The following GNG4 variants were observed in gnomAD, a reference collection of about 807,000 sequenced individuals.
GNG4 encodes the protein G protein subunit gamma 4.
A neutral mutation model predicts 5.8 loss-of-function variants in GNG4; 4 were observed. That is an observed-to-expected ratio of 0.69 (90% CI 0.34 to 1.57). The LOEUF (loss-of-function observed/expected upper bound fraction) is 1.57. Ranked by LOEUF, GNG4 falls within the 40% of genes most tolerant of loss-of-function variation. The pLI is 0.06. For synonymous variants in GNG4, 29 were observed against 32.9 expected (o/e 0.88, Z 0.41); for missense variants, 96 against 95.1 (o/e 1.01, Z -0.04).
intron 1 of GNG4, among the ~76,000 whole-genome samples, chr1:235,619,192 T>TACACACACACACATATATATATATAC (rs34692157): frequency 7.7e-6 from 1 of 129,632 alleles, no homozygotes; most frequent in African/African-American, 2.9e-5. Flanking sequence ...CACATATATA[T>TACACACACACACATATATATATATAC]ACACACACAC....
Position 235,551,104 on chromosome 1 carries a change from A to C in GNG4, c.*1005T>G, listed in dbSNP as rs1686733162. ...GGGAGACCGCACCCACAGGTCTGCC[A>C]CAGCGCGTCAACGGTATGGGGTACT... On this transcript the variant is annotated 3_prime_UTR_variant, in exon 4 of 4. Coordinates refer to ENST00000391854, the MANE Select transcript of GNG4 (RefSeq NM_001098722.2). The C allele has an allele frequency of 6.6e-6, 1 of 152,382 alleles. No individual in the cohort carries two copies. The highest frequency in any genetic ancestry group is 2.4e-5 in the African/African-American group (1 of 41,464). The allele number at this position is 152,382 out of a possible 1,614,324, so 9.4% of individuals were successfully genotyped here.
At chr1:235,616,726 A>ATG (rs56726138) in intron 1 of GNG4, among the ~76,000 whole-genome samples, 27,629 of 149,788 alleles carry the variant, frequency 0.18, 4,291 homozygotes, top group East Asian at 0.6. Flanking sequence ...GTGCTGAAAG[A>ATG]TGTGTGTGTG....
chr1:235,557,131 C>A (rs917212862), intron 3 of GNG4, among the ~76,000 whole-genome samples: 1 of 152,088 alleles, frequency 6.6e-6, no homozygotes, highest in East Asian at 1.9e-4. Flanking sequence ...CATGGCCCGG[C>A]GGTTGGGGAC....
intron 3 of GNG4, among the ~76,000 whole-genome samples, chr1:235,555,930 C>T (rs951073424): frequency 5.9e-5 from 9 of 151,932 alleles, no homozygotes; most frequent in African/African-American, 1.5e-4. Context: ...TGCAGTAGGG[C>T]GATCTCAGCT....
intron 3 of GNG4, among the ~76,000 whole-genome samples, chr1:235,570,968 T>C (rs1370568569): frequency 1.4e-5 from 2 of 145,320 alleles, no homozygotes; most frequent in African/African-American, 5.1e-5. Context: ...ATACCTTTTT[T>C]TTTTTTTTTT....
intron 2 of GNG4, among the ~76,000 whole-genome samples, chr1:235,587,096 G>C (rs554917172): frequency 1.3e-5 from 2 of 151,738 alleles, no homozygotes; most frequent in African/African-American, 2.4e-5. Flanking sequence ...AGGAGGGGAG[G>C]GCTCTGCACT....
chr1:235,597,614 G>C (rs1238906167), intron 1 of GNG4, among the ~76,000 whole-genome samples: 2 of 108,928 alleles, frequency 1.8e-5, no homozygotes, highest in African/African-American at 3.4e-5. Context: ...GTGTGTGTGT[G>C]TGTGTGTGTG....
chr1:235,604,002 G>T (rs1688307063), intron 1 of GNG4, among the ~76,000 whole-genome samples: 1 of 152,186 alleles, frequency 6.6e-6, no homozygotes. Flanking sequence ...TGGCCACCCA[G>T]ACACTCCCTG....
chr1:235,611,167 C>T (rs1688468278), intron 1 of GNG4, among the ~76,000 whole-genome samples: 1 of 151,628 alleles, frequency 6.6e-6, no homozygotes, highest in African/African-American at 2.4e-5. Context: ...TTCTCTCTCT[C>T]TCTCTTTTTT....
chr1:235,577,589 T>G (rs1482315980), intron 3 of GNG4, among the ~76,000 whole-genome samples: 1 of 152,134 alleles, frequency 6.6e-6, no homozygotes, highest in Non-Finnish European at 1.5e-5. Context: ...TACAGGCACG[T>G]GCCACCACGC....
chr1:235,613,839 G>A (rs918286494), intron 1 of GNG4, among the ~76,000 whole-genome samples: 2 of 152,200 alleles, frequency 1.3e-5, no homozygotes, highest in African/African-American at 4.8e-5. Flanking sequence ...TTCTCATGCA[G>A]CAGAGGAAGA....
chr1:235,611,622 T>C (rs115914968), intron 1 of GNG4, among the ~76,000 whole-genome samples: 2,438 of 152,238 alleles, frequency 0.016, 46 homozygotes, highest in African/African-American at 0.053. Context: ...CATTAGACAA[T>C]GTTGCCAAGC....
chr1:235,560,362 G>A (rs1687025858), intron 3 of GNG4, among the ~76,000 whole-genome samples: 1 of 152,168 alleles, frequency 6.6e-6, no homozygotes, highest in South Asian at 2.1e-4. Context: ...CCTTATAAAA[G>A]GATGGGTTTG....
At chr1:235,587,634 AG>A (rs59394953) in intron 2 of GNG4, among the ~76,000 whole-genome samples, 22 of 3,606 alleles carry the variant, frequency 6.1e-3, no homozygotes, top group Non-Finnish European at 7.5e-3. Context: ...TGTGGGGTGG[AG>A]TGTGAGTGTG....
rs1332141545 is a variant in GNG4 at position 235,644,823 on chromosome 1, G to T, written c.-123+4839C>A. ...CCAGAGCCGCAGGGCAGGGCAGATG[G>T]CTCCTCAGATCGGGCTGGAGAGACA... On this transcript the variant is annotated intron_variant, in intron 1 of 3. Transcript: ENST00000391854. The surrounding 1 kb of genome is among the most constrained non-coding windows in gnomAD (Gnocchi z 5.9). Among the ~76,000 whole-genome samples, 1 of 152,216 alleles carries T rather than the reference G, an allele frequency of 6.6e-6. No individual in the cohort carries two copies. The highest frequency in any genetic ancestry group is 2.4e-5 in the African/African-American group (1 of 41,460).
chr1:235,632,137 G>T (rs1030037875), intron 1 of GNG4, among the ~76,000 whole-genome samples: 1 of 152,120 alleles, frequency 6.6e-6, no homozygotes, highest in South Asian at 2.1e-4. Flanking sequence ...CCAGGCTGGG[G>T]TGCAGCGGCA....
intron 1 of GNG4, among the ~76,000 whole-genome samples, chr1:235,624,102 T>G (rs111620222): frequency 0.021 from 2,956 of 142,774 alleles, 57 homozygotes; most frequent in African/African-American, 0.047. Context: ...TGTGGCCAAT[T>G]CCTTTTTTTT....
rs972251850 is a variant in GNG4 at position 235,648,034 on chromosome 1, T to C, written c.-123+1628A>G. ...GAATCTAGGAAAAGCTTTTTTTTTT[T>C]CTGGTTTCTCCACCATCAGTTTGCA... On this transcript the variant is annotated intron_variant, in intron 1 of 3. Coordinates refer to ENST00000391854, the MANE Select transcript of GNG4 (RefSeq NM_001098722.2). The surrounding 1 kb of genome is among the most constrained non-coding windows in gnomAD (Gnocchi z 5.0). Among the ~76,000 whole-genome samples, 1 of 152,114 alleles carries C rather than the reference T, an allele frequency of 6.6e-6. No individual in the cohort carries two copies. Among genetic ancestry groups the C allele is most frequent in the Non-Finnish European group, 1.5e-5 (1 of 68,030 alleles).
chr1:235,579,513 A>T lies in GNG4; in HGVS notation c.99+4227T>A, dbSNP rs557017779. 4.6e-5 allele frequency among the ~76,000 whole-genome samples: 7 copies of T among 152,106 alleles called. No individual in the cohort carries two copies. In the South Asian group the frequency reaches 1.4e-3, roughly 32 times the overall value. On this transcript the variant is annotated intron_variant, in intron 3 of 3. Transcript: ENST00000391854. ...CCTGTGCACTGCTGGTGATGACGTGACGTGATGAAGCCCCTGTGTAAGCAG... is the reference window on the plus strand; with the variant it reads ...CCTGTGCACTGCTGGTGATGACGTGTCGTGATGAAGCCCCTGTGTAAGCAG...
Sources: allele counts gnomAD v4.1 joint callset (sites outside exome capture counted in the v4.1 genomes callset), GRCh38; gene constraint gnomAD v4.1.1; non-coding constraint Gnocchi (gnomAD v3.1); transcripts MANE v1.5; gene names NCBI Gene and HGNC (gene_info 2026-07-23, HGNC 2026-07-21).